Variants in GABRA1 observed in about 807,000 individuals in gnomAD.
The protein encoded by GABRA1 is gamma-aminobutyric acid type A receptor subunit alpha1.
A neutral mutation model predicts 48.9 loss-of-function variants in GABRA1; 9 were observed. That is an observed-to-expected ratio of 0.18 (90% CI 0.11 to 0.32). The LOEUF is 0.32. Ranked by LOEUF, GABRA1 falls within the 10% of genes least tolerant of loss-of-function variation. The pLI is 1.00. For synonymous variants in GABRA1, 210 were observed against 198.7 expected, an observed-to-expected ratio of 1.06 and a Z score of -0.48; for missense variants, 285 against 553.8, an observed-to-expected ratio of 0.51 and a Z score of 4.87.
At chr5:161,883,280 G>A (rs2113417306) in intron 7 of GABRA1, among the ~76,000 whole-genome samples, 1 of 152,226 alleles carries the variant, frequency 6.6e-6, no homozygotes, top group South Asian at 2.1e-4. Context: ...AGCCAACAGA[G>A]TCATAACCAC....
chr5:161,855,812 C>T (rs1214188082), intron 3 of GABRA1, among the ~76,000 whole-genome samples: 4 of 151,308 alleles, frequency 2.6e-5, no homozygotes, highest in African/African-American at 7.3e-5. Context: ...CCTCCCTACC[C>T]TATGATCTCA....
intron 8 of GABRA1, among the ~76,000 whole-genome samples, chr5:161,894,889 A>G (rs1406683350): frequency 6.8e-6 from 1 of 146,922 alleles, no homozygotes; most frequent in Non-Finnish European, 1.5e-5. Context: ...GCAGAGTAGG[A>G]AAGATGAGGC....
At chr5:161,873,010 T>C (rs991585847) in intron 4 of GABRA1, 107 bp from the exon 5 acceptor site, 3 of 820,822 alleles carry the variant, frequency 3.7e-6, no homozygotes, top group Non-Finnish European at 6.5e-6. Context: ...ATCACCTAGC[T>C]AACATTATAC....
chr5:161,875,254 T>C lies in GABRA1; in HGVS notation c.477-306T>C, dbSNP rs1268390901. Reference sequence around the variant, plus strand: ...TTTATTTGCTTACATCTAGTGTTATTCTCAAACCATTTGCTATAGCTGAGT... The same window carrying C: ...TTTATTTGCTTACATCTAGTGTTATCCTCAAACCATTTGCTATAGCTGAGT... On this transcript the variant is annotated intron_variant, in intron 5 of 9. Coordinates refer to ENST00000393943, the MANE Select transcript of GABRA1 (RefSeq NM_001127644.2). Among the ~76,000 whole-genome samples the C allele has an allele frequency of 2.6e-5, 4 of 152,192 alleles. No individual in the cohort carries two copies. In the East Asian group the frequency reaches 7.7e-4, roughly 29 times the overall value.
In GABRA1 at chr5:161,897,189, G is replaced by T; in HGVS notation, c.1138G>T (p.Ala380Ser). 6.2e-7 allele frequency: 1 copy of T among 1,613,996 alleles called. No homozygotes were observed. The highest frequency in any genetic ancestry group is 8.5e-7 in the Non-Finnish European group (1 of 1,179,992). ...AGCAACCAGCTACACCCCTAATTTG[G>T]CCAGGGGCGACCCGGGCTTAGCCAC... ...PTATSYTPNLARGDPGLATIA... is the reference protein window; with the variant it reads ...PTATSYTPNLSRGDPGLATIA... The change falls in exon 10 of 10, where the codon GCC becomes TCC. Residue 380 changes from alanine to serine, a missense_variant. Transcript: ENST00000393943.
At chr5:161,894,514 T>C (rs1230934940) in intron 8 of GABRA1, among the ~76,000 whole-genome samples, 1 of 152,156 alleles carries the variant, frequency 6.6e-6, no homozygotes, top group East Asian at 1.9e-4. Context: ...TTTACAGATA[T>C]GGGCACAGAG....
intron 4 of GABRA1, chr5:161,872,126 CA>C (rs1425919231): frequency 6.6e-6 from 1 of 152,630 alleles, no homozygotes; most frequent in Non-Finnish European, 1.5e-5. Context: ...ATGATGTTTT[CA>C]AGTTAGTTCT....
At chr5:161,886,397 A>G (rs1754850048) in intron 7 of GABRA1, among the ~76,000 whole-genome samples, 1 of 151,846 alleles carries the variant, frequency 6.6e-6, no homozygotes, top group Non-Finnish European at 1.5e-5. Context: ...TGAGATGGAA[A>G]TAAGAAAATG....
At chr5:161,862,630 T>C (rs1037203039) in intron 3 of GABRA1, among the ~76,000 whole-genome samples, 1 of 151,992 alleles carries the variant, frequency 6.6e-6, no homozygotes, top group Non-Finnish European at 1.5e-5. Context: ...AAAGTAAGTA[T>C]GTGGTTTGCT....
At chr5:161,893,638 C>G (rs537699865) in intron 8 of GABRA1, among the ~76,000 whole-genome samples, 1 of 152,254 alleles carries the variant, frequency 6.6e-6, no homozygotes, top group East Asian at 1.9e-4. Context: ...CATGCTGTCT[C>G]TCATCTGGAG....
chr5:161,864,708 T>C (rs1375664985), intron 3 of GABRA1, among the ~76,000 whole-genome samples: 4 of 151,918 alleles, frequency 2.6e-5, no homozygotes, highest in African/African-American at 9.7e-5. Context: ...ATTAACTCTT[T>C]AAGGACTCAA....
At chr5:161,868,397 G>T (rs1753964101) in intron 4 of GABRA1, among the ~76,000 whole-genome samples, 1 of 146,294 alleles carries the variant, frequency 6.8e-6, no homozygotes, top group Non-Finnish European at 1.5e-5. Flanking sequence ...CAAGAGAAAA[G>T]GACTGAAATA....
chr5:161,876,068 CAGTA>C (rs1035443732), intron 6 of GABRA1, among the ~76,000 whole-genome samples: 8 of 152,060 alleles, frequency 5.3e-5, no homozygotes, highest in Middle Eastern at 3.4e-3. Context: ...TGGCAAAGGA[CAGTA>C]AGTGTTTCTT....
intron 7 of GABRA1, among the ~76,000 whole-genome samples, chr5:161,889,447 C>A (rs1754991210): frequency 6.6e-6 from 1 of 151,956 alleles, no homozygotes; most frequent in Admixed American, 6.6e-5. Flanking sequence ...AAGTCAAATT[C>A]ATTTGCTTCC....
chr5:161,866,429 A>G (rs1353753517), intron 4 of GABRA1, among the ~76,000 whole-genome samples: 2 of 152,114 alleles, frequency 1.3e-5, no homozygotes, highest in Non-Finnish European at 2.9e-5. Flanking sequence ...ATTATATAAT[A>G]TTCCTGAACT....
intron 8 of GABRA1, among the ~76,000 whole-genome samples, chr5:161,893,048 T>TAATAATAATAATAAA (rs5872733): frequency 1.0e-3 from 142 of 141,996 alleles, no homozygotes; most frequent in East Asian, 2.0e-3. Flanking sequence ...ATAATAATAA[T>TAATAATAATAATAAA]AAAATAAACA....
rs193067246 is a variant in GABRA1 at position 161,861,002 on chromosome 5, G to A, written c.188-4719G>A. Among the ~76,000 whole-genome samples the A allele has an allele frequency of 6.6e-5, 10 of 151,778 alleles. No individual in the cohort carries two copies. In the East Asian group the frequency reaches 1.7e-3, roughly 27 times the overall value. On this transcript the variant is annotated intron_variant, in intron 3 of 9. Transcript: ENST00000393943. The stretch of plus-strand genomic sequence containing the variant: ...CTGGCAGAATCAGAATTCTGTACTT[G>A]AAAAATAACGTAGTGTTCCTGAGAT...
intron 8 of GABRA1, among the ~76,000 whole-genome samples, chr5:161,894,980 C>T (rs993561106): frequency 9.2e-5 from 14 of 151,992 alleles, no homozygotes; most frequent in African/African-American, 3.4e-4. Flanking sequence ...TACTTCTTAG[C>T]TGTGTATTCT....
intron 5 of GABRA1, among the ~76,000 whole-genome samples, 162 bp downstream of exon 5, chr5:161,873,499 C>G (rs914866044): frequency 6.6e-6 from 1 of 152,146 alleles, no homozygotes; most frequent in Non-Finnish European, 1.5e-5. Context: ...TTCCCTCAGT[C>G]AAGGATGAAG....
Sources: gnomAD v4.1 joint callset for allele counts (sites outside exome capture counted in the v4.1 genomes callset) on GRCh38, gnomAD v4.1.1 for gene constraint, MANE v1.5 for transcripts, NCBI Gene and HGNC (gene_info 2026-07-23, HGNC 2026-07-21) for gene names.